Variants in GLYR1 observed in about 807,000 individuals in gnomAD.
GLYR1 encodes glyoxylate reductase 1 homolog.
Under a neutral mutation model 72.7 loss-of-function variants are expected in GLYR1, and 21 were observed. That is an observed-to-expected ratio of 0.29 (90% confidence interval 0.20 to 0.42). GLYR1 has a LOEUF of 0.42. GLYR1 is among the 10% of genes least tolerant of loss of function. The probability of loss-of-function intolerance (pLI) is 1.00; values close to 1 mark genes in which losing one functional copy is unlikely to be tolerated. For synonymous variants in GLYR1, 392 were observed against 270.2 expected, an observed-to-expected ratio of 1.45 and a Z score of -4.42; for missense variants, 594 against 712.1, an observed-to-expected ratio of 0.83 and a Z score of 1.89.
intron 3 of GLYR1, among the ~76,000 whole-genome samples, chr16:4,841,663 CAA>C: frequency 6.6e-6 from 1 of 151,316 alleles, no homozygotes; most frequent in African/African-American, 2.4e-5. Flanking sequence ...ACAACAACAA[CAA>C]CAACAACAAC....
chr16:4,826,062 T>A (rs2084362748), intron 5 of GLYR1, among the ~76,000 whole-genome samples: 1 of 151,978 alleles, frequency 6.6e-6, no homozygotes, highest in Non-Finnish European at 1.5e-5. Context: ...CTTATTTATT[T>A]ATTTGGAGGC....
At chr16:4,818,890 C>T (rs2083822384) in intron 9 of GLYR1, among the ~76,000 whole-genome samples, 1 of 152,162 alleles carries the variant, frequency 6.6e-6, no homozygotes, top group Non-Finnish European at 1.5e-5. Flanking sequence ...CTTCCTTCCA[C>T]AGGTCCTTCC....
intron 5 of GLYR1, among the ~76,000 whole-genome samples, chr16:4,826,738 G>T (rs1284555834): frequency 6.6e-6 from 1 of 152,212 alleles, no homozygotes; most frequent in African/African-American, 2.4e-5. Context: ...CGTCACTGTG[G>T]AGCATCTCAC....
chr16:4,814,198 T>C (rs547950560), intron 11 of GLYR1, among the ~76,000 whole-genome samples: 1 of 152,236 alleles, frequency 6.6e-6, no homozygotes, highest in South Asian at 2.1e-4. Flanking sequence ...TTCTAAAATA[T>C]ACAAATACAG....
intron 3 of GLYR1, among the ~76,000 whole-genome samples, chr16:4,833,659 T>C (rs1481318672): frequency 1.5e-5 from 2 of 136,540 alleles, no homozygotes; most frequent in Non-Finnish European, 1.6e-5. Context: ...AAAAAAAAAA[T>C]AGAAACAAGA....
At chr16:4,846,626 G>A in intron 1 of GLYR1, 1 of 254,594 alleles carries the variant, frequency 3.9e-6, no homozygotes, top group Non-Finnish European at 7.9e-6. Flanking sequence ...GGGAGGCGGC[G>A]ACAAAGTCTT....
intron 14 of GLYR1, 111 bp downstream of exon 14, chr16:4,811,512 G>C: frequency 1.4e-6 from 2 of 1,397,686 alleles, no homozygotes; most frequent in Non-Finnish European, 2.0e-6. Flanking sequence ...CCTCTGGCCA[G>C]GGTCAGGGAC....
intron 1 of GLYR1, chr16:4,846,682 C>G (rs2086114004): frequency 4.1e-6 from 1 of 246,122 alleles, no homozygotes. Flanking sequence ...GCGGGAGGCA[C>G]CCAAGCGTGC....
intron 6 of GLYR1, among the ~76,000 whole-genome samples, chr16:4,823,449 C>G (rs1057211603): frequency 6.6e-6 from 1 of 151,984 alleles, no homozygotes; most frequent in African/African-American, 2.4e-5. Context: ...GATAATAAAA[C>G]TAAACATAAA....
chr16:4,817,932 A>T, intron 9 of GLYR1: 1 of 487,992 alleles, frequency 2.0e-6, no homozygotes, highest in South Asian at 2.4e-5. Context: ...GAAACCCCTG[A>T]CTGTCACAGA....
chr16:4,831,973 A>C lies in GLYR1; in HGVS notation c.537+6T>G, dbSNP rs1282226236. ...TAATCCCGGAAGCTGCAGAGAGAAAACAAACCTTCTCATCCTTTGGGGGCC... is the reference window on the plus strand; with the variant it reads ...TAATCCCGGAAGCTGCAGAGAGAAACCAAACCTTCTCATCCTTTGGGGGCC... On this transcript the variant is annotated splice_donor_region_variant and intron_variant, in intron 5 of 15. Transcript: ENST00000321919. 1.2e-6 allele frequency: 2 copies of C among 1,611,626 alleles called. No homozygotes were observed. The highest frequency in any genetic ancestry group is 2.7e-5 in the African/African-American group (2 of 74,666).
intron 6 of GLYR1, among the ~76,000 whole-genome samples, chr16:4,823,160 G>A (rs1029148824): frequency 4.6e-5 from 7 of 152,226 alleles, no homozygotes; most frequent in African/African-American, 1.7e-4. Context: ...AGATGATTCT[G>A]CTAGGTTGGT....
intron 3 of GLYR1, chr16:4,839,728 T>A (rs1442004316): frequency 6.6e-6 from 1 of 152,180 alleles, no homozygotes; most frequent in Non-Finnish European, 1.5e-5. Flanking sequence ...GGCAGAGATG[T>A]GGAGAGAGAA....
intron 5 of GLYR1, among the ~76,000 whole-genome samples, chr16:4,826,069 A>T (rs140655556): frequency 6.6e-6 from 1 of 151,950 alleles, no homozygotes; most frequent in African/African-American, 2.4e-5. Flanking sequence ...ATTTATTTGG[A>T]GGCATAGTCT....
At chr16:4,843,509 C>G in intron 3 of GLYR1, 10 of 1,282,648 alleles carry the variant, frequency 7.8e-6, no homozygotes, top group Non-Finnish European at 8.1e-6. Flanking sequence ...TCCAGAAGCT[C>G]TGGCTCCACA....
chr16:4,809,977 C>G (rs2083234299), intron 15 of GLYR1, among the ~76,000 whole-genome samples: 1 of 151,868 alleles, frequency 6.6e-6, no homozygotes, highest in South Asian at 2.1e-4. Flanking sequence ...CAATACAGGG[C>G]AGGGCATGTT....
At chr16:4,831,834 T>G (rs1395863852) in intron 5 of GLYR1, 145 bp downstream of exon 5, 1 of 1,204,624 alleles carries the variant, frequency 8.3e-7, no homozygotes, top group African/African-American at 1.5e-5. Flanking sequence ...GCACCTGCCC[T>G]GCAGGATTCT....
In GLYR1 at chr16:4,812,081, G is replaced by C. The variant is rs76110310; in HGVS notation, c.1282+5C>G. The C allele has an allele frequency of 1.2e-6, 2 of 1,612,696 alleles. No homozygotes were observed. Among genetic ancestry groups the C allele is most frequent in the African/African-American group, 2.7e-5 (2 of 75,050 alleles). On this transcript the variant is annotated splice_donor_5th_base_variant and intron_variant, in intron 13 of 15. Transcript: ENST00000321919. Reference sequence around the variant, plus strand: ...CTCCAGGCCTGACAGGTGCAGGCGTGTTACCTAGGAAGAAGGAGGTCTTCC... The same window carrying C: ...CTCCAGGCCTGACAGGTGCAGGCGTCTTACCTAGGAAGAAGGAGGTCTTCC...
At chr16:4,845,936 A>G (rs1266843286) in intron 2 of GLYR1, among the ~76,000 whole-genome samples, 9 of 152,256 alleles carry the variant, frequency 5.9e-5, no homozygotes. Flanking sequence ...GGGGTTAAAA[A>G]AGAAACTTCA....
Sources: gnomAD v4.1 joint callset for allele counts (sites outside exome capture counted in the v4.1 genomes callset) on GRCh38, gnomAD v4.1.1 for gene constraint, MANE v1.5 for transcripts, NCBI Gene and HGNC (gene_info 2026-07-23, HGNC 2026-07-21) for gene names.